C8orf34: variants seen among roughly 807,000 people sequenced by gnomAD.
The protein encoded by C8orf34 is chromosome 8 open reading frame 34.
In C8orf34, 65 loss-of-function variants were observed where a neutral mutation model predicts 68.3. The observed-to-expected ratio is 0.95, with a 90% CI of 0.78 to 1.17. C8orf34 has a LOEUF of 1.17. Ranked by LOEUF, C8orf34 falls within the 50% of genes most tolerant of loss-of-function variation. The probability of loss-of-function intolerance (pLI) is 0.00; values close to 1 mark genes in which losing one functional copy is unlikely to be tolerated. For synonymous variants in C8orf34, 244 were observed against 241.2 expected (o/e 1.01, Z -0.11); for missense variants, 664 against 655.4 (o/e 1.01, Z -0.14).
Position 68,619,024 on chromosome 8 carries a change from G to A in C8orf34, c.1106-21352G>A, listed in dbSNP as rs142964502. On this transcript the variant is annotated intron_variant, in intron 7 of 13. Coordinates refer to ENST00000518698, the MANE Select transcript of C8orf34 (RefSeq NM_052958.4). ...GTCTTCATGGAGGGCTGATGTTTGA[G>A]CTGAACTTTAAAGGAGAGGTTGGGC... Among the ~76,000 whole-genome samples the A allele has an allele frequency of 3.9e-3, 588 of 152,228 alleles. 5 individuals carry two copies. Among genetic ancestry groups the A allele is most frequent in the African/African-American group, 0.013 (559 of 41,554 alleles).
At chr8:68,401,351 T>A (rs1385243584) in intron 1 of C8orf34, among the ~76,000 whole-genome samples, 2 of 152,160 alleles carry the variant, frequency 1.3e-5, no homozygotes, top group African/African-American at 4.8e-5. Context: ...TCATTTCCAA[T>A]TTGGATGCCT....
At chr8:68,454,271 C>A (rs535250730) in intron 3 of C8orf34, among the ~76,000 whole-genome samples, 1 of 152,064 alleles carries the variant, frequency 6.6e-6, no homozygotes, top group Admixed American at 6.6e-5. Flanking sequence ...CCAATGCTGG[C>A]CTCTTAGAAT....
chr8:68,679,883 A>G (rs1820315101), intron 8 of C8orf34, among the ~76,000 whole-genome samples: 1 of 152,186 alleles, frequency 6.6e-6, no homozygotes, highest in Non-Finnish European at 1.5e-5. Flanking sequence ...CTACATTCAG[A>G]AGAATGAAAC....
At chr8:68,490,524 G>A (rs749754998) in intron 5 of C8orf34, among the ~76,000 whole-genome samples, 29 of 152,060 alleles carry the variant, frequency 1.9e-4, no homozygotes, top group Admixed American at 3.3e-4. Context: ...TAGCTCAGGG[G>A]AATATCCATT....
At chr8:68,667,885 T>G (rs1313476162) in intron 8 of C8orf34, among the ~76,000 whole-genome samples, 2 of 152,156 alleles carry the variant, frequency 1.3e-5, no homozygotes, top group Non-Finnish European at 2.9e-5. Flanking sequence ...CAGCACACTT[T>G]GGAAGAGTTT....
At chr8:68,371,341 C>T (rs546103925) in intron 1 of C8orf34, among the ~76,000 whole-genome samples, 1 of 152,108 alleles carries the variant, frequency 6.6e-6, no homozygotes, top group East Asian at 1.9e-4. Context: ...TTTAATAATT[C>T]CATAGTTTTG....
intron 7 of C8orf34, among the ~76,000 whole-genome samples, chr8:68,590,685 G>C (rs1229744330): frequency 6.6e-6 from 1 of 152,182 alleles, no homozygotes; most frequent in Non-Finnish European, 1.5e-5. Context: ...TTGAGTCTGA[G>C]TCTATCTAAT....
intron 3 of C8orf34, among the ~76,000 whole-genome samples, chr8:68,463,948 T>G (rs938001939): frequency 6.6e-6 from 1 of 152,040 alleles, no homozygotes; most frequent in Admixed American, 6.6e-5. Context: ...CCAGGGCAAT[T>G]AGGCAGGAGA....
intron 7 of C8orf34, among the ~76,000 whole-genome samples, chr8:68,568,902 G>C (rs558435917): frequency 7.3e-6 from 1 of 136,924 alleles, no homozygotes; most frequent in South Asian, 2.1e-4. Flanking sequence ...GCACAACTCT[G>C]CCATCGTAAA....
chr8:68,751,031 C>T (rs1159800523), intron 10 of C8orf34, among the ~76,000 whole-genome samples: 2 of 151,988 alleles, frequency 1.3e-5, no homozygotes, highest in South Asian at 2.1e-4. Flanking sequence ...ATTGTTTGAG[C>T]GTATTCTAGC....
At chr8:68,465,537 T>G (rs535482805) in intron 3 of C8orf34, among the ~76,000 whole-genome samples, 1 of 151,794 alleles carries the variant, frequency 6.6e-6, no homozygotes, top group African/African-American at 2.4e-5. Flanking sequence ...AATAGCAAAG[T>G]CTTGGAACCA....
intron 5 of C8orf34, among the ~76,000 whole-genome samples, chr8:68,516,409 G>A (rs1348756595): frequency 3.9e-5 from 6 of 152,106 alleles, no homozygotes; most frequent in African/African-American, 1.4e-4. Context: ...ATTAACAAGA[G>A]GAAATAGAGT....
intron 1 of C8orf34, among the ~76,000 whole-genome samples, chr8:68,367,656 A>G (rs1229782148): frequency 5.6e-5 from 8 of 142,248 alleles, no homozygotes; most frequent in Non-Finnish European, 1.2e-4. Flanking sequence ...AGAACAAAAA[A>G]CCAAACACCA....
intron 1 of C8orf34, among the ~76,000 whole-genome samples, chr8:68,338,876 T>A (rs1381086225): frequency 2.0e-5 from 3 of 152,154 alleles, no homozygotes; most frequent in Non-Finnish European, 4.4e-5. Context: ...CTTGGTATTG[T>A]CAGTCTTTTT....
At chr8:68,642,147 C>T (rs1354607350) in intron 8 of C8orf34, among the ~76,000 whole-genome samples, 1 of 152,178 alleles carries the variant, frequency 6.6e-6, no homozygotes, top group Non-Finnish European at 1.5e-5. Context: ...ACCTACTAGT[C>T]ATTCTGCTTT....
At chr8:68,506,992 G>T (rs191053587) in intron 5 of C8orf34, among the ~76,000 whole-genome samples, 25 of 151,978 alleles carry the variant, frequency 1.6e-4, no homozygotes, top group Non-Finnish European at 3.4e-4. Flanking sequence ...TGGCCTAATT[G>T]CTTATTTCTG....
At chr8:68,485,915 A>G (rs1013417596) in intron 4 of C8orf34, among the ~76,000 whole-genome samples, 1 of 151,856 alleles carries the variant, frequency 6.6e-6, no homozygotes, top group African/African-American at 2.4e-5. Context: ...TTAAAATTTT[A>G]TATTTAAGAT....
At chr8:68,579,438 C>G (rs1816998257) in intron 7 of C8orf34, among the ~76,000 whole-genome samples, 2 of 152,138 alleles carry the variant, frequency 1.3e-5, no homozygotes, top group African/African-American at 4.8e-5. Flanking sequence ...AGATTTGGCC[C>G]TCTTGGCTTT....
At chr8:68,679,083 A>G (rs1474055057) in intron 8 of C8orf34, among the ~76,000 whole-genome samples, 1 of 151,770 alleles carries the variant, frequency 6.6e-6, no homozygotes, top group Non-Finnish European at 1.5e-5. Flanking sequence ...GGCTGATCAC[A>G]AGGTCAGGAG....
Sources: allele counts gnomAD v4.1 joint callset (sites outside exome capture counted in the v4.1 genomes callset), GRCh38; gene constraint gnomAD v4.1.1; transcripts MANE v1.5; gene names NCBI Gene and HGNC (gene_info 2026-07-23, HGNC 2026-07-21).